CD177: variants seen among roughly 807,000 people sequenced by gnomAD.
The protein encoded by CD177 is CD177 molecule.
Under a neutral mutation model 38.1 loss-of-function variants are expected in CD177, and 41 were observed. The observed-to-expected ratio is 1.07, with a 90% CI of 0.84 to 1.39. The LOEUF is 1.39. Ranked by LOEUF, CD177 falls within the 40% of genes most tolerant of loss-of-function variation. The probability of loss-of-function intolerance (pLI) is 0.00; values close to 1 mark genes in which losing one functional copy is unlikely to be tolerated. For missense variants in CD177, 619 were observed against 523.8 expected, an observed-to-expected ratio of 1.18 and a Z score of -1.77; for synonymous variants, 236 against 216.7, an observed-to-expected ratio of 1.09 and a Z score of -0.78.
chr19:43,360,902 C>T (rs1969952934), intron 6 of CD177: 1 of 599,350 alleles, frequency 1.7e-6, no homozygotes, highest in Non-Finnish European at 3.0e-6. Context: ...AAGCTCAGTG[C>T]TCAGGGGAGA....
intron 3 of CD177, among the ~76,000 whole-genome samples, chr19:43,355,152 C>T (rs1413955845): frequency 1.8e-4 from 23 of 125,596 alleles, no homozygotes; most frequent in East Asian, 8.0e-4. Context: ...CTCGCTGTGT[C>T]GACCAGGCTG....
intron 4 of CD177, 49 bp downstream of exon 4, chr19:43,355,832 G>C (rs1363708044): frequency 6.2e-7 from 1 of 1,611,238 alleles, no homozygotes. Context: ...TGGAAGGTCT[G>C]GGGACTGAGA....
chr19:43,363,537 T>A (rs1374408782), downstream of CD177, among the ~76,000 whole-genome samples: 1 of 152,128 alleles, frequency 6.6e-6, no homozygotes, highest in Non-Finnish European at 1.5e-5. Context: ...GGGAGGGAAG[T>A]GGGGAACTAA....
At chr19:43,360,938 G>A (rs574857591) in intron 6 of CD177, 142 of 612,766 alleles carry the variant, frequency 2.3e-4, no homozygotes, top group Non-Finnish European at 3.8e-4. Flanking sequence ...ACCTTTGAGC[G>A]AGAACTGGGA....
chr19:43,361,722 G>A (rs1401545241), intron 8 of CD177, 143 bp downstream of exon 8: 12 of 885,002 alleles, frequency 1.4e-5, no homozygotes, highest in Non-Finnish European at 2.1e-5. Context: ...GAGGGAGGAG[G>A]GGCTGGGGGC....
In CD177 at chr19:43,356,043, G is replaced by A. The variant is rs772884879; in HGVS notation, c.554G>A (p.Cys185Tyr). The change falls in exon 5 of 9, where the codon TGC (cysteine) becomes TAC (tyrosine). Residue 185 changes from cysteine to tyrosine, a missense_variant. Coordinates refer to ENST00000618265, the MANE Select transcript of CD177 (RefSeq NM_020406.4). ...RVQGCMPQPV[C>Y]NLLNGTQEIG... Reference sequence around the variant, plus strand: ...CAGGGATGCATGCCCCAGCCAGTTTGCAACCTGCTCAATGGGACACAGGAA... The same window carrying A: ...CAGGGATGCATGCCCCAGCCAGTTTACAACCTGCTCAATGGGACACAGGAA... 15 of 666,488 alleles carry A rather than the reference G, an allele frequency of 2.3e-5. No homozygotes were observed. The highest frequency in any genetic ancestry group is 4.0e-5 in the Non-Finnish European group (15 of 375,540). 41.3% of individuals were successfully genotyped at this position (666,488 alleles called of 1,614,324 possible).
At chr19:43,355,479 T>G in intron 3 of CD177, 182 bp from the exon 4 acceptor site, 5 of 674,822 alleles carry the variant, frequency 7.4e-6, no homozygotes, top group East Asian at 7.0e-5. Context: ...CCCTTCCTCT[T>G]TTATGGATTA....
In CD177 at chr19:43,362,122, C is replaced by G. The variant is rs201285428; in HGVS notation, c.1116C>G (p.Cys372Trp). ...CCACCAAAATGAGCATTCAGGGCTG[C>G]GTGGCCCAACCTTCCAGCTTCTTGT... Reference protein sequence around the residue: ...GLSTKMSIQGCVAQPSSFLLN... With the variant: ...GLSTKMSIQGWVAQPSSFLLN... Residue 372 changes from cysteine (C) to tryptophan (W), a missense_variant, in exon 9 of 9, where the codon TGC (cysteine) becomes TGG (tryptophan). Cys to Trp is a radical substitution (Grantham distance 215). Coordinates refer to ENST00000618265, the MANE Select transcript of CD177 (RefSeq NM_020406.4). The G allele has an allele frequency of 1.1e-4, 180 of 1,613,636 alleles. No homozygotes were observed. The highest frequency in any genetic ancestry group is 3.3e-5 in the Admixed American group (2 of 59,994).
chr19:43,362,522 A>G lies in CD177; in HGVS notation c.*202A>G. The stretch of plus-strand genomic sequence containing the variant: ...AGCATCCGGACTTGCCCTATGGGAG[A>G]GGGGACGCTGGAGGAGTGGCTGCAT... On this transcript the variant is annotated 3_prime_UTR_variant, in exon 9 of 9. Coordinates refer to ENST00000618265, the MANE Select transcript of CD177 (RefSeq NM_020406.4). 1 of 476,062 alleles carries G rather than the reference A, an allele frequency of 2.1e-6. No individual in the cohort carries two copies. Among genetic ancestry groups the G allele is most frequent in the Non-Finnish European group, 3.7e-6 (1 of 268,744 alleles). 29.5% of individuals were successfully genotyped at this position (476,062 alleles called of 1,614,324 possible).
downstream of CD177, among the ~76,000 whole-genome samples, chr19:43,363,435 C>T (rs547763435): frequency 1.0e-3 from 158 of 151,766 alleles, no homozygotes; most frequent in South Asian, 6.1e-3. Context: ...GAGAGAGAGC[C>T]GGAGACAGAA....
rs769813094 is a variant in CD177, at chr19:43,354,262, G to C, written c.249G>C (p.Glu83Asp). ...SKGCTEAKDQ[E>D]PRVTEHRMGP... ...GCTGCACGGAGGCCAAGGACCAGGAGCCCCGCGTCACTGAGCACCGGATGG... is the reference window on the plus strand; with the variant it reads ...GCTGCACGGAGGCCAAGGACCAGGACCCCCGCGTCACTGAGCACCGGATGG... Residue 83 changes from glutamate to aspartate, a missense_variant, in exon 3 of 9, where the codon GAG becomes GAC. Transcript: ENST00000618265. 2 of 1,613,904 alleles carry C rather than the reference G, an allele frequency of 1.2e-6. No homozygotes were observed. The highest frequency in any genetic ancestry group is 1.7e-5 in the Admixed American group (1 of 60,024).
chr19:43,354,338 T>C lies in CD177; in HGVS notation c.325T>C (p.Phe109Leu). 1 of 1,613,916 alleles carries C rather than the reference T, an allele frequency of 6.2e-7. No individual in the cohort carries two copies. The highest frequency in any genetic ancestry group is 8.5e-7 in the Non-Finnish European group (1 of 1,179,870). The stretch of plus-strand genomic sequence containing the variant: ...CACCTTCGTGTGCCGCCAGGAGGAC[T>C]TCTGCAACAACCTCGTTAACTCCCT... ...SYTFVCRQED[F>L]CNNLVNSLPL... The change falls in exon 3 of 9, where the codon TTC becomes CTC. Residue 109 changes from phenylalanine to leucine, a missense_variant. By Grantham distance (22) the Phe-to-Leu change is conservative (BLOSUM62 0). Coordinates refer to ENST00000618265, the MANE Select transcript of CD177 (RefSeq NM_020406.4).
chr19:43,362,088 G>C lies in CD177; in HGVS notation c.1082G>C (p.Gly361Ala). 1.9e-6 allele frequency: 3 copies of C among 1,613,442 alleles called. No homozygotes were observed. Among genetic ancestry groups the C allele is most frequent in the Non-Finnish European group, 2.5e-6 (3 of 1,179,506 alleles). Residue 361 changes from glycine (G) to alanine (A), a missense_variant and splice_region_variant, in exon 9 of 9, where the codon GGT becomes GCT. Transcript: ENST00000618265. ...CYDGYIHLSG[G>A]GLSTKMSIQG... ...TTCTGACTTGGTCTTCTCCCTCTAG[G>C]TGGGCTGTCCACCAAAATGAGCATT...
intron 6 of CD177, 92 bp from the exon 7 acceptor site, chr19:43,361,051 G>C: frequency 1.6e-6 from 1 of 635,658 alleles, no homozygotes; most frequent in Non-Finnish European, 2.8e-6. Context: ...TCTGCCTGGG[G>C]GGTATTGTGA....
rs769813094 is a variant in CD177, at chr19:43,354,262, G to A, written c.249G>A (p.Glu83=). ...SKGCTEAKDQ[E]PRVTEHRMGP... ...GCTGCACGGAGGCCAAGGACCAGGA[G>A]CCCCGCGTCACTGAGCACCGGATGG... is the stretch of plus-strand genomic sequence containing the variant. Residue 83 remains glutamate, a synonymous_variant, in exon 3 of 9, where the codon GAG becomes GAA. Transcript: ENST00000618265. The A allele has an allele frequency of 1.2e-6, 2 of 1,613,786 alleles. No individual in the cohort carries two copies. The highest frequency in any genetic ancestry group is 2.2e-5 in the East Asian group (1 of 44,886).
intron 8 of CD177, among the ~76,000 whole-genome samples, 180 bp downstream of exon 8, chr19:43,361,759 C>A (rs1410742627): frequency 1.3e-5 from 1 of 74,274 alleles, no homozygotes; most frequent in African/African-American, 5.2e-5. Flanking sequence ...AGGGAGGAGG[C>A]GCTGGGGGCC....
chr19:43,363,882 G>C (rs1970007711), downstream of CD177, among the ~76,000 whole-genome samples: 1 of 152,164 alleles, frequency 6.6e-6, no homozygotes, highest in Non-Finnish European at 1.5e-5. Flanking sequence ...GAGCCCAGGA[G>C]TTTGAGACCA....
At chr19:43,360,480 C>T in intron 6 of CD177, 75 bp downstream of exon 6, 2 of 1,430,828 alleles carry the variant, frequency 1.4e-6, no homozygotes, top group Non-Finnish European at 1.9e-6. Context: ...TGGATTCTTT[C>T]CCCTGAATTT....
intron 3 of CD177, among the ~76,000 whole-genome samples, chr19:43,355,200 G>A (rs1467857570): frequency 1.5e-5 from 2 of 131,468 alleles, no homozygotes; most frequent in African/African-American, 2.8e-5. Context: ...TGCAACCTCC[G>A]ACTCCCGGGT....
Sources: gnomAD v4.1 joint callset for allele counts (sites outside exome capture counted in the v4.1 genomes callset) on GRCh38, gnomAD v4.1.1 for gene constraint, MANE v1.5 for transcripts, NCBI Gene and HGNC (gene_info 2026-07-23, HGNC 2026-07-21) for gene names.